TMEM232: variants seen among roughly 807,000 people sequenced by gnomAD.
TMEM232 encodes transmembrane protein 232.
TMEM232 carries 80 observed loss-of-function variants against 78.8 expected under a neutral mutation model. The observed-to-expected ratio is 1.01, with a 90% CI of 0.85 to 1.22. The LOEUF (loss-of-function observed/expected upper bound fraction) is 1.22, where lower values mean the gene tolerates loss of function less well. TMEM232 is among the 50% of genes most tolerant of loss of function. TMEM232 has a pLI of 0.00. For synonymous variants in TMEM232, 297 were observed against 254.3 expected (o/e 1.17, Z -1.60); for missense variants, 881 against 742.2 (o/e 1.19, Z -2.17).
chr5:110,667,474 G>T (rs1040318250), intron 1 of TMEM232, 110 bp from the exon 2 acceptor site: 14 of 792,232 alleles, frequency 1.8e-5, no homozygotes, highest in Non-Finnish European at 2.0e-5. Context: ...CTAAAGTTAG[G>T]CTTAAGAATA....
chr5:110,634,827 G>C (rs189349245), intron 5 of TMEM232, among the ~76,000 whole-genome samples: 174 of 151,866 alleles, frequency 1.1e-3, no homozygotes, highest in Non-Finnish European at 2.1e-3. Flanking sequence ...ATTAGTAGAA[G>C]ATGACAAATA....
chr5:110,500,019 C>T (rs746635614), intron 12 of TMEM232, among the ~76,000 whole-genome samples: 13 of 152,128 alleles, frequency 8.5e-5, no homozygotes, highest in South Asian at 2.1e-4. Context: ...TGGCCAGGCG[C>T]GGTGGCTCAC....
intron 12 of TMEM232, among the ~76,000 whole-genome samples, chr5:110,523,455 C>A (rs1391218856): frequency 1.3e-5 from 2 of 151,860 alleles, no homozygotes; most frequent in Admixed American, 1.3e-4. Flanking sequence ...TTTCTAGGTC[C>A]TTGAGGTGTA....
intron 2 of TMEM232, among the ~76,000 whole-genome samples, chr5:110,734,094 A>C (rs1798940415): frequency 6.6e-6 from 1 of 152,228 alleles, no homozygotes; most frequent in Non-Finnish European, 1.5e-5. Flanking sequence ...ATTCAATTAA[A>C]ATTCTGCATA....
chr5:110,486,031 T>A (rs1764426902), intron 12 of TMEM232, among the ~76,000 whole-genome samples: 1 of 152,126 alleles, frequency 6.6e-6, no homozygotes, highest in South Asian at 2.1e-4. Flanking sequence ...AGTAAGGTGG[T>A]ATCACTTTGT....
intron 11 of TMEM232, among the ~76,000 whole-genome samples, chr5:110,553,054 A>G (rs1256419391): frequency 6.6e-6 from 1 of 152,052 alleles, no homozygotes; most frequent in Non-Finnish European, 1.5e-5. Flanking sequence ...GTAGGTATGC[A>G]GTTTTATTTC....
chr5:110,699,441 T>C (rs1430771154), intron 1 of TMEM232, among the ~76,000 whole-genome samples: 2 of 152,150 alleles, frequency 1.3e-5, no homozygotes, highest in African/African-American at 4.8e-5. Context: ...ACCAACATCA[T>C]TAAAAATGAA....
In TMEM232 at chr5:110,480,206, AAAG is replaced by A. The variant is rs756511187; in HGVS notation, c.1703+48379_1703+48381del. ...ACTTAAATAAATAGCAGTGGGAGAA[AAAG>A]AAGCTTCTATATTCTCCATGCAAAA... On this transcript the variant is annotated intron_variant, in intron 12 of 13. Transcript: ENST00000455884. 4.9e-4 allele frequency among the ~76,000 whole-genome samples: 74 copies of A among 151,986 alleles called. 1 individual carries two copies. Among genetic ancestry groups the A allele is most frequent in the Admixed American group, 1.6e-3 (24 of 15,254 alleles).
intron 13 of TMEM232, among the ~76,000 whole-genome samples, chr5:110,421,151 AG>A (rs1328757815): frequency 6.6e-6 from 1 of 152,054 alleles, no homozygotes; most frequent in Non-Finnish European, 1.5e-5. Context: ...TTAAACAGAA[AG>A]GCAAAAACTC....
chr5:110,614,029 T>A (rs867605918), intron 8 of TMEM232, among the ~76,000 whole-genome samples: 8 of 152,116 alleles, frequency 5.3e-5, no homozygotes, highest in Non-Finnish European at 8.8e-5. Context: ...AAAGATTAAA[T>A]CTTTTCCTTA....
chr5:110,692,700 T>C (rs1269916657), intron 1 of TMEM232, among the ~76,000 whole-genome samples: 3 of 152,218 alleles, frequency 2.0e-5, no homozygotes, highest in Non-Finnish European at 4.4e-5. Flanking sequence ...GCATCGCTCA[T>C]TGCTAGCACA....
intron 5 of TMEM232, chr5:110,387,730 T>C (rs1755040032): frequency 6.6e-6 from 1 of 152,150 alleles, no homozygotes; most frequent in Non-Finnish European, 1.5e-5. Flanking sequence ...TAGATGTTTT[T>C]AAAAAAAATT....
chr5:110,420,535 T>C lies in TMEM232; in HGVS notation c.*45A>G. 8.2e-7 allele frequency: 1 copy of C among 1,218,964 alleles called. No homozygotes were observed. The allele number at this position is 1,218,964 out of a possible 1,614,324, so 75.5% of individuals were successfully genotyped here. The stretch of plus-strand genomic sequence containing the variant: ...TGGTATTTTTCATCCTATGTATTTC[T>C]GCCATGTAGTCCTCAATTTTGGGAG... On this transcript the variant is annotated 3_prime_UTR_variant, in exon 14 of 14. Transcript: ENST00000455884.
chr5:110,670,369 A>C (rs1447187997), intron 1 of TMEM232, among the ~76,000 whole-genome samples: 1 of 152,148 alleles, frequency 6.6e-6, no homozygotes, highest in Admixed American at 6.6e-5. Flanking sequence ...TCATGAGTGA[A>C]CTCCCATTCA....
chr5:110,405,548 G>A (rs1418503539), intron 2 of TMEM232, among the ~76,000 whole-genome samples: 1 of 151,494 alleles, frequency 6.6e-6, no homozygotes, highest in Non-Finnish European at 1.5e-5. Flanking sequence ...ATAAAGAGAT[G>A]AACTATTGTG....
At chr5:110,632,776 T>TA (rs1382104498) in intron 5 of TMEM232, among the ~76,000 whole-genome samples, 1 of 151,990 alleles carries the variant, frequency 6.6e-6, no homozygotes, top group Non-Finnish European at 1.5e-5. Context: ...AGTGACCAAA[T>TA]ACATGAATTA....
chr5:110,434,048 G>T (rs1305569520), intron 12 of TMEM232, among the ~76,000 whole-genome samples: 1 of 150,444 alleles, frequency 6.6e-6, no homozygotes, highest in East Asian at 2.0e-4. Flanking sequence ...AGTTTAAAAA[G>T]AAACTAAAGT....
chr5:110,399,072 G>A (rs557669127), intron 2 of TMEM232, among the ~76,000 whole-genome samples: 5 of 151,856 alleles, frequency 3.3e-5, no homozygotes, highest in South Asian at 2.1e-4. Flanking sequence ...CCCTTTCTGC[G>A]CAAAGTAGCA....
chr5:110,693,635 G>A (rs1053632035), intron 1 of TMEM232, among the ~76,000 whole-genome samples: 1 of 152,164 alleles, frequency 6.6e-6, no homozygotes, highest in Non-Finnish European at 1.5e-5. Context: ...GAAAACCACG[G>A]CACAACAACT....
Sources: allele counts gnomAD v4.1 joint callset (sites outside exome capture counted in the v4.1 genomes callset), GRCh38; gene constraint gnomAD v4.1.1; transcripts MANE v1.5; gene names NCBI Gene and HGNC (gene_info 2026-07-23, HGNC 2026-07-21).